The following IGFBP7 variants were observed in gnomAD, a reference collection of about 807,000 sequenced individuals.
The protein encoded by IGFBP7 is insulin-like growth factor-binding protein 7.
In IGFBP7, 31 loss-of-function variants were observed where a neutral mutation model predicts 29.4. That is an observed-to-expected ratio of 1.05 (90% confidence interval 0.79 to 1.42). The LOEUF is 1.42. Ranked by LOEUF, IGFBP7 falls within the 40% of genes most tolerant of loss-of-function variation. IGFBP7 has a pLI of 0.00. For missense variants in IGFBP7, 393 were observed against 395.5 expected, an observed-to-expected ratio of 0.99 and a Z score of 0.05; for synonymous variants, 172 against 174.9, an observed-to-expected ratio of 0.98 and a Z score of 0.13.
At chr4:57,056,040 G>C (rs1237747356) in intron 1 of IGFBP7, among the ~76,000 whole-genome samples, 1 of 152,070 alleles carries the variant, frequency 6.6e-6, no homozygotes, top group Non-Finnish European at 1.5e-5. Flanking sequence ...TCACAGCCCA[G>C]CCACCGTGAC....
At chr4:57,088,803 C>A (rs1044802132) in intron 1 of IGFBP7, among the ~76,000 whole-genome samples, 2 of 151,922 alleles carry the variant, frequency 1.3e-5, no homozygotes, top group Admixed American at 6.6e-5. Flanking sequence ...TCAAGGCAGG[C>A]GGATCATCTG....
intron 1 of IGFBP7, among the ~76,000 whole-genome samples, chr4:57,067,551 GA>G (rs1266110007): frequency 6.6e-6 from 1 of 152,180 alleles, no homozygotes; most frequent in African/African-American, 2.4e-5. Flanking sequence ...GGGTAAGGGA[GA>G]AATGAGGAGT....
chr4:57,046,985 C>T (rs892603591), intron 1 of IGFBP7, among the ~76,000 whole-genome samples: 5 of 152,184 alleles, frequency 3.3e-5, no homozygotes, highest in African/African-American at 7.2e-5. Flanking sequence ...TTATAACTCT[C>T]GCTCAGTAAC....
At chr4:57,034,467 A>T (rs10030129) in intron 2 of IGFBP7, among the ~76,000 whole-genome samples, 1 of 152,076 alleles carries the variant, frequency 6.6e-6, no homozygotes, top group Non-Finnish European at 1.5e-5. Flanking sequence ...TACAACCTCA[A>T]ATAGCTAGTT....
At chr4:57,054,358 C>T (rs1280848329) in intron 1 of IGFBP7, among the ~76,000 whole-genome samples, 1 of 152,060 alleles carries the variant, frequency 6.6e-6, no homozygotes, top group Non-Finnish European at 1.5e-5. Context: ...CTTGGCTGGG[C>T]ACGGGGTGGC....
intron 1 of IGFBP7, among the ~76,000 whole-genome samples, chr4:57,053,384 C>T (rs1276947244): frequency 6.6e-6 from 1 of 152,114 alleles, no homozygotes; most frequent in Non-Finnish European, 1.5e-5. Context: ...AAGTGGGGTA[C>T]TGACAAAGAG....
rs1024087414 is a variant in IGFBP7, at chr4:57,110,330, C to T, written c.22G>A (p.Ala8Thr). ...AGCCCAGCGGCGCCGAGGAGCAGGG[C>T]GCGCAGCGACGGCCGCTCCATGGCG... is the stretch of plus-strand genomic sequence containing the variant. MERPSLR[A>T]LLLGAAGLLL... The change falls in exon 1 of 5, where the codon GCC becomes ACC. Residue 8 changes from alanine to threonine, a missense_variant. Coordinates refer to ENST00000295666, the MANE Select transcript of IGFBP7 (RefSeq NM_001553.3). The T allele has an allele frequency of 1.0e-5, 14 of 1,390,576 alleles. No homozygotes were observed. Among genetic ancestry groups the T allele is most frequent in the Middle Eastern group, 2.6e-4 (1 of 3,842 alleles). The allele number at this position is 1,390,576 out of a possible 1,614,324, so 86.1% of individuals were successfully genotyped here.
chr4:57,083,337 T>C (rs1725418279), intron 1 of IGFBP7, among the ~76,000 whole-genome samples: 2 of 152,206 alleles, frequency 1.3e-5, no homozygotes, highest in Non-Finnish European at 2.9e-5. Flanking sequence ...TCAAAAAATT[T>C]GGCTAAGCTG....
intron 1 of IGFBP7, among the ~76,000 whole-genome samples, chr4:57,050,095 T>C (rs1027754985): frequency 1.3e-5 from 2 of 152,132 alleles, no homozygotes; most frequent in Non-Finnish European, 2.9e-5. Flanking sequence ...TGCAAATTAA[T>C]TTGAATATAC....
At chr4:57,040,578 G>T (rs11573110) in intron 2 of IGFBP7, among the ~76,000 whole-genome samples, 1,611 of 152,302 alleles carry the variant, frequency 0.011, 35 homozygotes, top group African/African-American at 0.036. Context: ...CTGAAGGTGG[G>T]TTCAGGTGTT....
chr4:57,046,100 G>A (rs926361314), intron 1 of IGFBP7, among the ~76,000 whole-genome samples: 1 of 152,106 alleles, frequency 6.6e-6, no homozygotes, highest in Non-Finnish European at 1.5e-5. Context: ...GAAAGAATAA[G>A]CAAGCGACTT....
intron 1 of IGFBP7, among the ~76,000 whole-genome samples, chr4:57,045,817 G>C (rs6554403): frequency 0.27 from 40,834 of 148,684 alleles, 5,834 homozygotes; most frequent in African/African-American, 0.36. Flanking sequence ...CCTCTGCCTC[G>C]TGGGTTCAAG....
At chr4:57,078,037 C>T (rs1240704898) in intron 1 of IGFBP7, among the ~76,000 whole-genome samples, 1 of 152,154 alleles carries the variant, frequency 6.6e-6, no homozygotes, top group Non-Finnish European at 1.5e-5. Context: ...GGATGACTTT[C>T]ATGGTTCCTG....
At chr4:57,087,164 C>G (rs1035052094) in intron 1 of IGFBP7, among the ~76,000 whole-genome samples, 1 of 152,236 alleles carries the variant, frequency 6.6e-6, no homozygotes, top group Non-Finnish European at 1.5e-5. Context: ...AGGATGGCAC[C>G]TGACACATAG....
chr4:57,038,950 C>T (rs1343867217), intron 2 of IGFBP7, among the ~76,000 whole-genome samples: 1 of 151,008 alleles, frequency 6.6e-6, no homozygotes, highest in African/African-American at 2.4e-5. Flanking sequence ...CCTGTAATCC[C>T]AACTACTTGA....
chr4:57,036,253 G>C (rs967916971), intron 2 of IGFBP7, among the ~76,000 whole-genome samples: 3 of 152,198 alleles, frequency 2.0e-5, no homozygotes, highest in Middle Eastern at 3.2e-3. Context: ...GAAAAAGAGT[G>C]TGGAAAGATA....
chr4:57,042,465 C>T (rs983691269), intron 1 of IGFBP7, among the ~76,000 whole-genome samples: 1 of 152,168 alleles, frequency 6.6e-6, no homozygotes, highest in Non-Finnish European at 1.5e-5. Context: ...AAGCAATTCC[C>T]ATGACTCAGT....
At chr4:57,049,715 T>C (rs6822945) in intron 1 of IGFBP7, among the ~76,000 whole-genome samples, 14,311 of 152,152 alleles carry the variant, frequency 0.094, 820 homozygotes, top group African/African-American at 0.15. Context: ...GCTGGCCTAA[T>C]TGAGGATGCC....
At chr4:57,075,819 C>T (rs1260318181) in intron 1 of IGFBP7, among the ~76,000 whole-genome samples, 2 of 152,166 alleles carry the variant, frequency 1.3e-5, no homozygotes, top group African/African-American at 4.8e-5. Context: ...CATCAAGGAG[C>T]TACCTGAATA....
Sources: allele counts gnomAD v4.1 joint callset (sites outside exome capture counted in the v4.1 genomes callset), GRCh38; gene constraint gnomAD v4.1.1; transcripts MANE v1.5; gene names NCBI Gene and HGNC (gene_info 2026-07-23, HGNC 2026-07-21).